The following GRK5 variants were observed in gnomAD, a reference collection of about 807,000 sequenced individuals.
GRK5 encodes G protein-coupled receptor kinase 5, also known as g protein-coupled receptor kinase GRK5.
A neutral mutation model predicts 78.4 loss-of-function variants in GRK5; 40 were observed. The ratio of observed to expected loss-of-function variants is 0.51; its 90% CI spans 0.40 to 0.66. GRK5 has a LOEUF of 0.66. Ranked by LOEUF, GRK5 falls within the 30% of genes least tolerant of loss-of-function variation. The pLI is 0.00. For missense variants in GRK5, 598 were observed against 759.9 expected (o/e 0.79, Z 2.50); for synonymous variants, 289 against 296.8 (o/e 0.97, Z 0.27).
intron 4 of GRK5, among the ~76,000 whole-genome samples, chr10:119,399,007 A>G (rs1465399375): frequency 1.3e-5 from 2 of 152,162 alleles, no homozygotes; most frequent in South Asian, 2.1e-4. Context: ...CCCGTGGCCA[A>G]CCTTGTCCAG....
chr10:119,279,771 T>G (rs1329615906), intron 1 of GRK5, among the ~76,000 whole-genome samples: 1 of 152,236 alleles, frequency 6.6e-6, no homozygotes, highest in East Asian at 1.9e-4. Flanking sequence ...GGTGTTCTAG[T>G]GAGTGCTCTC....
intron 1 of GRK5, among the ~76,000 whole-genome samples, chr10:119,269,708 C>T (rs1377365468): frequency 6.6e-6 from 1 of 151,826 alleles, no homozygotes; most frequent in East Asian, 1.9e-4. Flanking sequence ...TGGTGTGCTC[C>T]TGTAATCCCA....
chr10:119,417,328 T>C (rs1436154631), intron 4 of GRK5, among the ~76,000 whole-genome samples: 1 of 152,200 alleles, frequency 6.6e-6, no homozygotes, highest in African/African-American at 2.4e-5. Context: ...CCAGCCTGCC[T>C]CAGTGTCTGA....
intron 6 of GRK5, among the ~76,000 whole-genome samples, chr10:119,429,228 T>C (rs1236736146): frequency 6.6e-6 from 1 of 152,178 alleles, no homozygotes; most frequent in Non-Finnish European, 1.5e-5. Context: ...GAGAGTACCC[T>C]GGCTTTTCAG....
At chr10:119,394,237 TGG>T (rs1851958144) in intron 3 of GRK5, among the ~76,000 whole-genome samples, 2 of 94,598 alleles carry the variant, frequency 2.1e-5, no homozygotes, top group Admixed American at 1.1e-4. Context: ...TGTGGGTGTG[TGG>T]GTGTCTGTGT....
At position 119,361,938 on chromosome 10, in the gene GRK5, G is replaced by T. The variant is rs1851370453; in HGVS notation, c.149-18877G>T. Among the ~76,000 whole-genome samples the T allele has an allele frequency of 2.3e-5, 3 of 132,896 alleles. No individual in the cohort carries two copies. In the South Asian group the frequency reaches 7.1e-4, roughly 32 times the overall value. 87.2% of individuals were successfully genotyped at this position (132,896 alleles called of 152,430 possible). ...GTCGCACCACTGCACTCCAGCCTGG[G>T]TGACAGAGCGAGACTCTATCTCAAA... On this transcript the variant is annotated intron_variant, in intron 2 of 15. Coordinates refer to ENST00000392870, the MANE Select transcript of GRK5 (RefSeq NM_005308.3).
At chr10:119,323,749 T>C (rs901133847) in intron 1 of GRK5, among the ~76,000 whole-genome samples, 1 of 152,168 alleles carries the variant, frequency 6.6e-6, no homozygotes, top group Non-Finnish European at 1.5e-5. Flanking sequence ...TTTGGTTGCA[T>C]GGAATGTTCT....
intron 2 of GRK5, among the ~76,000 whole-genome samples, chr10:119,366,027 G>A (rs1425359259): frequency 1.3e-5 from 2 of 152,216 alleles, no homozygotes; most frequent in African/African-American, 4.8e-5. Context: ...AGGGAACTAA[G>A]CGACCTGGTC....
intron 1 of GRK5, among the ~76,000 whole-genome samples, chr10:119,313,154 GGTGGTAATGGTA>G (rs1850413640): frequency 1.3e-5 from 2 of 151,164 alleles, no homozygotes; most frequent in African/African-American, 4.9e-5. Flanking sequence ...TGGTGATGGT[GGTGGTAATGGTA>G]GTGGTGGTGG....
chr10:119,269,973 A>T (rs974987968), intron 1 of GRK5, among the ~76,000 whole-genome samples: 4 of 151,790 alleles, frequency 2.6e-5, no homozygotes, highest in Non-Finnish European at 5.9e-5. Flanking sequence ...AGTCCCCCAC[A>T]CTTTGTCTGC....
rs1853433665 is a variant in GRK5, at chr10:119,458,436, C to A, written c.*3369C>A. The stretch of plus-strand genomic sequence containing the variant: ...TTCTCGCCTCTTCCTTGGCCGGGAA[C>A]CCGGGGCTCTAGGGCTGCTCGCTGC... On this transcript the variant is annotated 3_prime_UTR_variant, in exon 16 of 16. Transcript: ENST00000392870. 1 of 152,272 alleles carries A rather than the reference C, an allele frequency of 6.6e-6. No homozygotes were observed. 9.4% of individuals were successfully genotyped at this position (152,272 alleles called of 1,614,324 possible). A position where few individuals can be genotyped will look rare whatever the true frequency, so the allele number is the denominator to read the frequency against.
rs767862981 is a variant in GRK5, at chr10:119,455,055, C to T, written c.1761C>T (p.Thr587=). ...INSNHVSSNS[T]GSS ...CAAACCATGTCAGCTCGAACTCCAC[C>T]GGAAGCAGCTAGTTTCGGCTCTGGC... is the stretch of plus-strand genomic sequence containing the variant. Residue 587 remains threonine, a synonymous_variant, in exon 16 of 16, where the codon ACC becomes ACT. Coordinates refer to ENST00000392870, the MANE Select transcript of GRK5 (RefSeq NM_005308.3). The T allele has an allele frequency of 4.3e-6, 7 of 1,613,492 alleles. No homozygotes were observed. Among genetic ancestry groups the T allele is most frequent in the Middle Eastern group, 1.7e-4 (1 of 6,058 alleles).
chr10:119,361,419 C>G (rs1479052026), intron 2 of GRK5, among the ~76,000 whole-genome samples: 1 of 152,242 alleles, frequency 6.6e-6, no homozygotes, highest in Non-Finnish European at 1.5e-5. Flanking sequence ...ATTCATTCAT[C>G]CATTCACTTC....
At chr10:119,426,996 T>G (rs907989480) in intron 6 of GRK5, among the ~76,000 whole-genome samples, 2 of 88,228 alleles carry the variant, frequency 2.3e-5, no homozygotes, top group African/African-American at 9.1e-5. Context: ...ATCACCACCA[T>G]CAACAGCATC....
At chr10:119,391,746 G>A (rs1318418887) in intron 3 of GRK5, among the ~76,000 whole-genome samples, 1 of 152,186 alleles carries the variant, frequency 6.6e-6, no homozygotes, top group African/African-American at 2.4e-5. Context: ...CAGCACACAC[G>A]AGAAGCTGGG....
intron 2 of GRK5, among the ~76,000 whole-genome samples, chr10:119,357,645 C>T (rs978782624): frequency 2.0e-5 from 3 of 152,196 alleles, no homozygotes; most frequent in Non-Finnish European, 4.4e-5. Context: ...ATAGCAATAG[C>T]GGCTCACACT....
intron 4 of GRK5, among the ~76,000 whole-genome samples, chr10:119,415,829 A>G (rs531244934): frequency 1.3e-5 from 2 of 152,342 alleles, no homozygotes; most frequent in South Asian, 4.1e-4. Context: ...GCCATGGGCC[A>G]GCAAGTGACT....
intron 11 of GRK5, 141 bp from the exon 12 acceptor site, chr10:119,443,403 C>A: frequency 1.4e-6 from 1 of 695,350 alleles, no homozygotes; most frequent in Non-Finnish European, 2.4e-6. Context: ...GTCATCAGGG[C>A]AAGCTCCCTG....
At chr10:119,277,015 T>C (rs189068980) in intron 1 of GRK5, among the ~76,000 whole-genome samples, 2 of 152,306 alleles carry the variant, frequency 1.3e-5, no homozygotes, top group East Asian at 3.9e-4. Context: ...TGCATTGCCT[T>C]TGTGATTTGG....
Sources: allele counts gnomAD v4.1 joint callset (sites outside exome capture counted in the v4.1 genomes callset), GRCh38; gene constraint gnomAD v4.1.1; transcripts MANE v1.5; gene names NCBI Gene and HGNC (gene_info 2026-07-23, HGNC 2026-07-21).